Variants in LCORL observed in about 807,000 individuals in gnomAD.
LCORL encodes the protein ligand dependent nuclear receptor corepressor like, also known as ligand-dependent nuclear receptor corepressor-like protein.
LCORL carries 41 observed loss-of-function variants against 141.8 expected under a neutral mutation model. The observed-to-expected ratio is 0.29, with a 90% CI of 0.23 to 0.38. The LOEUF (loss-of-function observed/expected upper bound fraction) is 0.38. LCORL is among the 10% of genes least tolerant of loss of function. The pLI is 1.00. For synonymous variants in LCORL, 618 were observed against 694.1 expected (o/e 0.89, Z 1.72); for missense variants, 1,759 against 2,035.0 (o/e 0.86, Z 2.61).
intron 5 of LCORL, 25 bp from the exon 6 acceptor site, chr4:17,886,186 C>A: frequency 8.1e-7 from 1 of 1,236,556 alleles, no homozygotes; most frequent in South Asian, 1.3e-5. Flanking sequence ...AGAGAAAAAA[C>A]TTTATATTTG....
At chr4:17,976,020 CATT>C (rs1311639994) in intron 1 of LCORL, among the ~76,000 whole-genome samples, 1 of 152,078 alleles carries the variant, frequency 6.6e-6, no homozygotes, top group East Asian at 1.9e-4. Flanking sequence ...TTGATATCAT[CATT>C]ATAAAATGCT....
At chr4:17,915,286 CA>C (rs1246865383) in intron 4 of LCORL, among the ~76,000 whole-genome samples, 1 of 152,152 alleles carries the variant, frequency 6.6e-6, no homozygotes, top group Non-Finnish European at 1.5e-5. Context: ...CTACAGCAAT[CA>C]AATCTCCTAT....
Position 17,901,552 on chromosome 4 carries a change from T to C in LCORL, c.682+7542A>G, listed in dbSNP as rs534889959. On this transcript the variant is annotated intron_variant, in intron 5 of 7. Transcript: ENST00000635767. ...AAAATTGATGATATAAAACAAATGG[T>C]TGTGTTTAAGTTGTGATGTCACAAG... is the stretch of plus-strand genomic sequence containing the variant. Among the ~76,000 whole-genome samples the C allele has an allele frequency of 4.6e-5, 7 of 152,254 alleles. No individual in the cohort carries two copies. In the East Asian group the frequency reaches 1.2e-3, roughly 25 times the overall value.
chr4:17,882,745 A>G, intron 6 of LCORL: 8 of 984,354 alleles, frequency 8.1e-6, no homozygotes, highest in Non-Finnish European at 9.6e-6. Context: ...GAGGTTTTTC[A>G]ATAGTAGGAG....
chr4:17,949,410 GTA>G (rs2109527657), intron 4 of LCORL, among the ~76,000 whole-genome samples: 1 of 152,192 alleles, frequency 6.6e-6, no homozygotes, highest in South Asian at 2.1e-4. Flanking sequence ...GTCCTTGACT[GTA>G]GTTCCTCTGT....
At position 18,021,679 on chromosome 4, in the gene LCORL, G is replaced by T; in HGVS notation, c.73C>A (p.Arg25=). 1.3e-6 allele frequency: 2 copies of T among 1,538,740 alleles called. No individual in the cohort carries two copies. The highest frequency in any genetic ancestry group is 8.8e-7 in the Non-Finnish European group (1 of 1,141,924). Reference sequence around the variant, plus strand: ...CTCTCCGCCGCGCACCGAGGGCTCCGGCACTGAGCGGCGGCGGCGGCGGCG... The same window carrying T: ...CTCTCCGCCGCGCACCGAGGGCTCCTGCACTGAGCGGCGGCGGCGGCGGCG... The change falls in exon 1 of 8, where the codon CGG becomes AGG. Residue 25 remains arginine (R), a synonymous_variant. Transcript: ENST00000635767. The surrounding 1 kb of genome is among the most constrained non-coding windows in gnomAD (Gnocchi z 5.5).
chr4:18,012,333 A>C (rs1053669363), intron 1 of LCORL, among the ~76,000 whole-genome samples: 2 of 152,222 alleles, frequency 1.3e-5, no homozygotes, highest in African/African-American at 4.8e-5. Flanking sequence ...CTCCAGCTGT[A>C]CTGTCTTTGA....
chr4:17,914,566 C>G (rs957122287), intron 4 of LCORL, among the ~76,000 whole-genome samples: 2 of 152,186 alleles, frequency 1.3e-5, no homozygotes, highest in African/African-American at 2.4e-5. Context: ...AACAGACAGA[C>G]AGACAAAGAG....
At chr4:17,984,503 G>T (rs1477273798) in intron 1 of LCORL, among the ~76,000 whole-genome samples, 1 of 151,972 alleles carries the variant, frequency 6.6e-6, no homozygotes, top group Non-Finnish European at 1.5e-5. Flanking sequence ...GTATGGGGGG[G>T]TATATGTGGC....
chr4:17,901,298 G>T (rs769419184), intron 5 of LCORL, among the ~76,000 whole-genome samples: 1 of 151,686 alleles, frequency 6.6e-6, no homozygotes, highest in Non-Finnish European at 1.5e-5. Context: ...AAGACTATTC[G>T]TTGGCAGTCA....
At chr4:18,006,652 C>G (rs992103257) in intron 1 of LCORL, among the ~76,000 whole-genome samples, 7 of 152,140 alleles carry the variant, frequency 4.6e-5, no homozygotes, top group African/African-American at 1.4e-4. Context: ...GAGAAGAGAG[C>G]TTGTGCAGGG....
At chr4:17,863,675 C>T (rs1390052323) in intron 7 of LCORL, among the ~76,000 whole-genome samples, 1 of 152,108 alleles carries the variant, frequency 6.6e-6, no homozygotes, top group Non-Finnish European at 1.5e-5. Flanking sequence ...AATGATTCTA[C>T]CAGAAAAGAC....
At chr4:17,874,979 A>G (rs1726759582) in exon 7 of LCORL, 6 of 1,233,856 alleles carry the variant, frequency 4.9e-6, no homozygotes, top group Non-Finnish European at 6.1e-6. Context: ...AGAAATGCAG[A>G]GATGGTTTTC....
chr4:17,896,869 A>C (rs1577355673), intron 5 of LCORL, among the ~76,000 whole-genome samples: 1 of 149,726 alleles, frequency 6.7e-6, no homozygotes, highest in African/African-American at 2.5e-5. Flanking sequence ...TCCTTACCCC[A>C]CCCCCCACTA....
chr4:17,930,465 A>C (rs1288654450), intron 4 of LCORL, among the ~76,000 whole-genome samples: 2 of 152,232 alleles, frequency 1.3e-5, no homozygotes, highest in Non-Finnish European at 2.9e-5. Context: ...GAATGCTGCC[A>C]GTGTTTCCAC....
At chr4:17,967,923 T>C (rs1221132899) in intron 2 of LCORL, among the ~76,000 whole-genome samples, 1 of 151,832 alleles carries the variant, frequency 6.6e-6, no homozygotes, top group African/African-American at 2.4e-5. Flanking sequence ...AGTGACACAA[T>C]CTCGGCTCAC....
At chr4:17,975,670 A>T (rs926478850) in intron 1 of LCORL, among the ~76,000 whole-genome samples, 1 of 152,192 alleles carries the variant, frequency 6.6e-6, no homozygotes, top group Non-Finnish European at 1.5e-5. Context: ...TGCTGGGATT[A>T]CAGACGTGAG....
At chr4:17,905,846 A>T (rs888638461) in intron 5 of LCORL, among the ~76,000 whole-genome samples, 4 of 152,110 alleles carry the variant, frequency 2.6e-5, no homozygotes, top group African/African-American at 9.7e-5. Context: ...ATAGCAACAT[A>T]AAAAAAGGCA....
chr4:17,993,872 C>G (rs1210504215), intron 1 of LCORL, among the ~76,000 whole-genome samples: 1 of 152,170 alleles, frequency 6.6e-6, no homozygotes, highest in East Asian at 1.9e-4. Flanking sequence ...AGAAAGAAGA[C>G]AGCTTTGAAC....
Sources: gnomAD v4.1 joint callset for allele counts (sites outside exome capture counted in the v4.1 genomes callset) on GRCh38, gnomAD v4.1.1 for gene constraint, Gnocchi (gnomAD v3.1) non-coding constraint, MANE v1.5 for transcripts, NCBI Gene and HGNC (gene_info 2026-07-23, HGNC 2026-07-21) for gene names.